ARHGAP25: variants seen among roughly 807,000 people sequenced by gnomAD.
ARHGAP25 encodes rho GTPase-activating protein 25.
In ARHGAP25, 34 loss-of-function variants were observed where a neutral mutation model predicts 71.0. The observed-to-expected ratio is 0.48, with a 90% confidence interval of 0.36 to 0.64. The LOEUF is 0.64. ARHGAP25 is among the 30% of genes least tolerant of loss of function. The pLI is 0.00. For missense variants in ARHGAP25, 706 were observed against 805.1 expected (o/e 0.88, Z 1.49); for synonymous variants, 282 against 296.5 (o/e 0.95, Z 0.50).
At chr2:68,764,085 C>T (rs772982421) in intron 1 of ARHGAP25, among the ~76,000 whole-genome samples, 4 of 152,160 alleles carry the variant, frequency 2.6e-5, no homozygotes, top group Non-Finnish European at 4.4e-5. Context: ...ACAGAATTGC[C>T]TTTTCTGGAT....
intron 1 of ARHGAP25, chr2:68,775,005 T>G (rs1178683148): frequency 6.9e-7 from 1 of 1,456,712 alleles, no homozygotes; most frequent in African/African-American, 1.4e-5. Flanking sequence ...AGCCTGGGTT[T>G]TATTCTTGGC....
At chr2:68,825,868 A>T (rs1412399631) in intron 10 of ARHGAP25, 119 bp from the exon 11 acceptor site, 9 of 782,908 alleles carry the variant, frequency 1.1e-5, no homozygotes, top group Non-Finnish European at 1.8e-5. Flanking sequence ...CATAGCTGAG[A>T]GGTTGGATAA....
In ARHGAP25 at chr2:68,825,997, G is replaced by A; in HGVS notation, c.1744G>A (p.Glu582Lys). 2 of 1,612,222 alleles carry A rather than the reference G, an allele frequency of 1.2e-6. No homozygotes were observed. Among genetic ancestry groups the A allele is most frequent in the Non-Finnish European group, 8.5e-7 (1 of 1,179,356 alleles). The change falls in exon 11 of 11, where the codon GAA (glutamate) becomes AAA (lysine). Residue 582 changes from glutamate (E) to lysine (K), a missense_variant. Coordinates refer to ENST00000409202, the MANE Select transcript of ARHGAP25 (RefSeq NM_001007231.3). ...TTTCCTTCCTTGTAGCCTTGAGAAG[G>A]AAAATTATGACGTTTGGGCTAAAGT... ...YEEQIKNLEK[E>K]NYDVWAKVVR... is the part of the protein sequence containing the mutation.
intron 8 of ARHGAP25, 134 bp downstream of exon 8, chr2:68,818,128 A>G: frequency 1.7e-6 from 2 of 1,203,990 alleles, no homozygotes; most frequent in Middle Eastern, 2.9e-4. Context: ...ATCATGCAAT[A>G]GCCTTGTGAG....
chr2:68,745,424 A>G (rs776919164), intron 1 of ARHGAP25, among the ~76,000 whole-genome samples: 3 of 152,152 alleles, frequency 2.0e-5, no homozygotes, highest in Non-Finnish European at 4.4e-5. Context: ...TTTTTTCACT[A>G]TCAGTCACCC....
rs1463749137 is a variant in ARHGAP25, at chr2:68,787,946, A to G, written c.456A>G (p.Thr152=). ...WVKFLRRVAG[T]PCGAVFGQRL... The stretch of plus-strand genomic sequence containing the variant: ...AATTCCTCAGGAGAGTTGCTGGCAC[A>G]CCCTGTGGAGGTAAGGACCCCTGCA... Residue 152 remains threonine, a synonymous_variant, in exon 4 of 11, where the codon ACA becomes ACG. Transcript: ENST00000409202. 1 of 1,613,946 alleles carries G rather than the reference A, an allele frequency of 6.2e-7. No individual in the cohort carries two copies. Among genetic ancestry groups the G allele is most frequent in the African/African-American group, 1.3e-5 (1 of 74,908 alleles).
chr2:68,819,712 AC>A, intron 9 of ARHGAP25: 1 of 525,190 alleles, frequency 1.9e-6, no homozygotes, highest in Non-Finnish European at 3.4e-6. Flanking sequence ...TTTCCTGCTA[AC>A]CCATGAAACG....
intron 4 of ARHGAP25, among the ~76,000 whole-genome samples, chr2:68,797,941 C>T (rs558389293): frequency 1.3e-5 from 2 of 152,338 alleles, no homozygotes; most frequent in South Asian, 4.1e-4. Context: ...CACAGCTTTC[C>T]TGTTTTCTTT....
intron 6 of ARHGAP25, among the ~76,000 whole-genome samples, chr2:68,815,992 T>C (rs561032345): frequency 1.3e-5 from 2 of 152,214 alleles, no homozygotes; most frequent in African/African-American, 2.4e-5. Flanking sequence ...AATTAACGTA[T>C]GAGTTGTTAA....
chr2:68,822,505 C>T lies in ARHGAP25; in HGVS notation c.1366C>T (p.Gln456Ter). The T allele has an allele frequency of 6.2e-7, 1 of 1,614,248 alleles. No homozygotes were observed. Among genetic ancestry groups the T allele is most frequent in the Non-Finnish European group, 8.5e-7 (1 of 1,180,050 alleles). ...GAAATGTTTCTTGACATCAGCTTTT[C>T]AGGGTGCCAACAGCAGCAAAATGGA... Reference protein sequence around the residue: ...NRKCFLTSAFQGANSSKMEIF... With the variant: ...NRKCFLTSAF Residue 456 changes from glutamine (Q) to a stop codon, truncating the protein, a stop_gained, in exon 10 of 11, where the codon CAG (glutamine) becomes TAG (stop). Transcript: ENST00000409202. LOFTEE classifies it high-confidence loss of function.
chr2:68,776,070 G>A (rs1227871871), intron 2 of ARHGAP25, among the ~76,000 whole-genome samples: 2 of 152,170 alleles, frequency 1.3e-5, no homozygotes, highest in Non-Finnish European at 2.9e-5. Context: ...AGAGGAGAGG[G>A]AATAAGCTGG....
intron 2 of ARHGAP25, among the ~76,000 whole-genome samples, chr2:68,718,195 A>G (rs778186468): frequency 2.0e-5 from 3 of 152,176 alleles, no homozygotes; most frequent in Non-Finnish European, 4.4e-5. Context: ...GTCCCCTCAA[A>G]GTAGACCTCT....
rs111411902 is a variant in ARHGAP25, at chr2:68,786,285, A to G, written c.350-1555A>G. 7.3e-3 allele frequency among the ~76,000 whole-genome samples: 1,113 copies of G among 152,334 alleles called. 6 individuals are homozygous for G. The highest frequency in any genetic ancestry group is 0.011 in the Admixed American group (164 of 15,306). ...CAACATAGTAGACTGGAGTTGAGGCATGGTGGAGACGGAGCGGGGAAAGAC... is the reference window on the plus strand; with the variant it reads ...CAACATAGTAGACTGGAGTTGAGGCGTGGTGGAGACGGAGCGGGGAAAGAC... On this transcript the variant is annotated intron_variant, in intron 3 of 10. Transcript: ENST00000409202.
At position 68,725,523 on chromosome 2, in the gene ARHGAP25, G is replaced by A. The variant is rs140805871; in HGVS notation, c.-18+14825G>A. 8.4e-4 allele frequency among the ~76,000 whole-genome samples: 128 copies of A among 151,936 alleles called. 1 individual carries two copies. The highest frequency in any genetic ancestry group is 2.8e-3 in the African/African-American group (116 of 41,404). On this transcript the variant is annotated intron_variant and NMD_transcript_variant, in intron 2 of 7. Transcript: ENST00000463483. ...TCTTTTCTTTTCTTTTAGAGATGGG[G>A]CCTCAACTGTGTTGACCAAGCTGTT... is the stretch of plus-strand genomic sequence containing the variant.
chr2:68,817,873 G>A lies in ARHGAP25; in HGVS notation c.882G>A (p.Arg294=), dbSNP rs769701919. The change falls in exon 8 of 11, where the codon AGG becomes AGA. Residue 294 remains arginine, a splice_region_variant and synonymous_variant. Transcript: ENST00000409202. ...CATGGGATTTCTTGGCTGTCTGTAG[G>A]TTCCTACATGAAATACAGCTGAACT... ...DNYSLLSYIC[R]FLHEIQLNCA... 1 of 1,613,888 alleles carries A rather than the reference G, an allele frequency of 6.2e-7. No individual in the cohort carries two copies. Among genetic ancestry groups the A allele is most frequent in the South Asian group, 1.1e-5 (1 of 91,070 alleles).
chr2:68,762,123 G>A (rs1234458059), intron 1 of ARHGAP25, among the ~76,000 whole-genome samples: 2 of 152,174 alleles, frequency 1.3e-5, no homozygotes, highest in African/African-American at 4.8e-5. Flanking sequence ...AGTGAAATAA[G>A]CTGCTTCAAA....
rs149848166 is a variant in ARHGAP25 at position 68,734,819 on chromosome 2, A to G, written c.-381A>G. 1.2e-5 allele frequency: 3 copies of G among 245,932 alleles called. No individual in the cohort carries two copies. Among genetic ancestry groups the G allele is most frequent in the East Asian group, 1.9e-4 (2 of 10,668 alleles). 15.2% of individuals were successfully genotyped at this position (245,932 alleles called of 1,614,324 possible). ...CAAAACCAAGAGGCAGCAGTTGTTT[A>G]TCACGACCTCAACTCAGTAAGGCCT... On this transcript the variant is annotated 5_prime_UTR_variant, in exon 1 of 11. Coordinates refer to ENST00000409202, the MANE Select transcript of ARHGAP25 (RefSeq NM_001007231.3).
At chr2:68,769,198 C>G (rs1677322819) in intron 1 of ARHGAP25, among the ~76,000 whole-genome samples, 1 of 152,130 alleles carries the variant, frequency 6.6e-6, no homozygotes, top group Admixed American at 6.5e-5. Context: ...CCATCTCTCT[C>G]CCTCTTTTCA....
intron 2 of ARHGAP25, among the ~76,000 whole-genome samples, chr2:68,775,968 G>A (rs188101010): frequency 2.6e-5 from 4 of 152,342 alleles, no homozygotes; most frequent in East Asian, 1.9e-4. Flanking sequence ...AATAGGATGA[G>A]CTAGCAGATG....
Sources: gnomAD v4.1 joint callset for allele counts (sites outside exome capture counted in the v4.1 genomes callset) on GRCh38, gnomAD v4.1.1 for gene constraint, MANE v1.5 for transcripts, NCBI Gene and HGNC (gene_info 2026-07-23, HGNC 2026-07-21) for gene names.